The following RUNX1 variants were observed in gnomAD, a reference collection of about 807,000 sequenced individuals.
RUNX1 encodes the protein RUNX family transcription factor 1.
Under a neutral mutation model 42.8 loss-of-function variants are expected in RUNX1, and 19 were observed. The observed-to-expected ratio is 0.44, with a 90% confidence interval of 0.31 to 0.65. RUNX1 has a LOEUF of 0.65. RUNX1 is among the 30% of genes least tolerant of loss of function. RUNX1 has a pLI of 0.07. For missense variants in RUNX1, 528 were observed against 672.0 expected (o/e 0.79, Z 2.37); for synonymous variants, 271 against 289.4 (o/e 0.94, Z 0.64).
chr21:35,003,517 GTCTT>G (rs1316257250), intron 2 of RUNX1, among the ~76,000 whole-genome samples: 1 of 138,978 alleles, frequency 7.2e-6, no homozygotes, highest in Non-Finnish European at 1.6e-5. Context: ...GAGAAAAGCT[GTCTT>G]TTTTTTTTTA....
chr21:34,956,683 G>A (rs1245865462), intron 2 of RUNX1, among the ~76,000 whole-genome samples: 2 of 152,064 alleles, frequency 1.3e-5, no homozygotes, highest in African/African-American at 4.8e-5. Flanking sequence ...CTCACTCATG[G>A]GCTGTGGCTC....
At chr21:34,991,739 C>T (rs2058943158) in intron 2 of RUNX1, among the ~76,000 whole-genome samples, 1 of 152,156 alleles carries the variant, frequency 6.6e-6, no homozygotes, top group South Asian at 2.1e-4. Flanking sequence ...AAGTTCATGT[C>T]CACATAGAAC....
At chr21:34,896,695 G>T (rs926630944) in intron 2 of RUNX1, among the ~76,000 whole-genome samples, 1 of 151,866 alleles carries the variant, frequency 6.6e-6, no homozygotes, top group African/African-American at 2.4e-5. Context: ...AAAAAGAAAA[G>T]AAAAGAATAA....
chr21:34,853,259 G>C (rs1358295923), intron 6 of RUNX1, among the ~76,000 whole-genome samples: 1 of 152,144 alleles, frequency 6.6e-6, no homozygotes, highest in Non-Finnish European at 1.5e-5. Context: ...GGGGAGGTGT[G>C]GGAGGGGAGG....
intron 2 of RUNX1, among the ~76,000 whole-genome samples, chr21:34,898,023 T>C (rs145096121): frequency 7.9e-5 from 12 of 152,274 alleles, no homozygotes; most frequent in African/African-American, 2.9e-4. Flanking sequence ...AAGTCAGCAT[T>C]GTAGCTAGAA....
intron 7 of RUNX1, among the ~76,000 whole-genome samples, chr21:34,806,696 A>G (rs577203439): frequency 6.6e-6 from 1 of 152,216 alleles, no homozygotes; most frequent in Non-Finnish European, 1.5e-5. Flanking sequence ...CACATGGAAG[A>G]TTCACCAAGA....
At chr21:34,849,913 A>AATTATT (rs895988883) in intron 6 of RUNX1, among the ~76,000 whole-genome samples, 1 of 150,868 alleles carries the variant, frequency 6.6e-6, no homozygotes, top group African/African-American at 2.4e-5. Flanking sequence ...GCTAAACTGG[A>AATTATT]ATTATTATTA....
chr21:34,898,474 T>C (rs1301249998), intron 2 of RUNX1, among the ~76,000 whole-genome samples: 1 of 152,200 alleles, frequency 6.6e-6, no homozygotes, highest in Non-Finnish European at 1.5e-5. Flanking sequence ...GGAAGCCACA[T>C]ACCTAAGCCA....
At chr21:34,965,795 C>T (rs1302834691) in intron 2 of RUNX1, among the ~76,000 whole-genome samples, 2 of 152,186 alleles carry the variant, frequency 1.3e-5, no homozygotes, top group Non-Finnish European at 2.9e-5. Flanking sequence ...ATTTCCGAAT[C>T]AAGTATCTAC....
chr21:35,018,325 C>T (rs918012624), intron 2 of RUNX1, among the ~76,000 whole-genome samples: 1 of 152,092 alleles, frequency 6.6e-6, no homozygotes, highest in Non-Finnish European at 1.5e-5. Flanking sequence ...TGCGCCTGGC[C>T]CCAAATTCAT....
chr21:34,954,987 T>A (rs2058634458), intron 2 of RUNX1, among the ~76,000 whole-genome samples: 1 of 152,186 alleles, frequency 6.6e-6, no homozygotes, highest in South Asian at 2.1e-4. Flanking sequence ...AGTTGGAAAA[T>A]ACAGCCTTCA....
At chr21:34,849,384 G>GTATA (rs571296550) in intron 6 of RUNX1, among the ~76,000 whole-genome samples, 1 of 29,696 alleles carries the variant, frequency 3.4e-5, no homozygotes, top group African/African-American at 1.2e-4. Context: ...TATATACATA[G>GTATA]TATATATAAT....
intron 2 of RUNX1, among the ~76,000 whole-genome samples, chr21:34,928,990 A>C (rs1192240163): frequency 6.6e-6 from 1 of 150,650 alleles, no homozygotes; most frequent in East Asian, 2.0e-4. Context: ...CACTTTGTGT[A>C]CAAATCCACT....
intron 3 of RUNX1, chr21:34,888,274 G>C (rs1350813258): frequency 1.5e-5 from 16 of 1,067,294 alleles, no homozygotes; most frequent in Non-Finnish European, 1.7e-5. Flanking sequence ...CTTGAGGGAG[G>C]GCTCCGCGGC....
chr21:34,903,339 T>G (rs896754570), intron 2 of RUNX1, among the ~76,000 whole-genome samples: 1 of 152,218 alleles, frequency 6.6e-6, no homozygotes, highest in African/African-American at 2.4e-5. Context: ...CAATATAGTT[T>G]AATTCCTATT....
chr21:34,998,973 A>G (rs2059019699), intron 2 of RUNX1, among the ~76,000 whole-genome samples: 1 of 152,272 alleles, frequency 6.6e-6, no homozygotes, highest in Admixed American at 6.5e-5. Context: ...AGACTGCTCT[A>G]TCCCACCAAT....
chr21:34,855,947 T>C lies in RUNX1; in HGVS notation c.613+3527A>G, dbSNP rs12627747. Reference sequence around the variant, plus strand: ...ATAAAGTTAATTTTTCAACAATTAATAATTTCTATATTACTCTAAGATATT... The same window carrying C: ...ATAAAGTTAATTTTTCAACAATTAACAATTTCTATATTACTCTAAGATATT... On this transcript the variant is annotated intron_variant, in intron 6 of 8. Transcript: ENST00000675419. Among the ~76,000 whole-genome samples, 4 of 152,214 alleles carry C rather than the reference T, an allele frequency of 2.6e-5. No homozygotes were observed. In the East Asian group the frequency reaches 7.7e-4, roughly 29 times the overall value.
intron 6 of RUNX1, among the ~76,000 whole-genome samples, chr21:34,851,246 T>G (rs1482703352): frequency 6.6e-6 from 1 of 152,226 alleles, no homozygotes; most frequent in Non-Finnish European, 1.5e-5. Flanking sequence ...ACCACCTGAG[T>G]GCATGTGGAT....
chr21:34,858,322 G>T (rs2057523586), intron 6 of RUNX1, among the ~76,000 whole-genome samples: 1 of 152,148 alleles, frequency 6.6e-6, no homozygotes, highest in Non-Finnish European at 1.5e-5. Context: ...CATCTAGAGG[G>T]GACTGGAGCA....
Sources: gnomAD v4.1 joint callset for allele counts (sites outside exome capture counted in the v4.1 genomes callset) on GRCh38, gnomAD v4.1.1 for gene constraint, MANE v1.5 for transcripts, NCBI Gene and HGNC (gene_info 2026-07-23, HGNC 2026-07-21) for gene names.